MECOM: variants seen among roughly 807,000 people sequenced by gnomAD.
MECOM encodes the protein histone-lysine N-methyltransferase MECOM.
MECOM carries 13 observed loss-of-function variants against 116.3 expected under a neutral mutation model. The ratio of observed to expected loss-of-function variants is 0.11; its 90% CI spans 0.07 to 0.18. MECOM has a LOEUF of 0.18. Ranked by LOEUF, MECOM falls within the 10% of genes least tolerant of loss-of-function variation. The probability of loss-of-function intolerance (pLI) is 1.00; values close to 1 mark genes in which losing one functional copy is unlikely to be tolerated. For missense variants in MECOM, 1,299 were observed against 1,509.0 expected (o/e 0.86, Z 2.31); for synonymous variants, 528 against 535.2 (o/e 0.99, Z 0.19).
chr3:169,207,152 TA>T (rs5854317), intron 2 of MECOM, among the ~76,000 whole-genome samples: 52,854 of 152,014 alleles, frequency 0.35, 10,004 homozygotes, highest in African/African-American at 0.5. Flanking sequence ...AAGGTGTTCC[TA>T]AAATAGCTGA....
intron 1 of MECOM, among the ~76,000 whole-genome samples, chr3:169,524,916 C>A (rs767033293): frequency 6.6e-6 from 1 of 151,874 alleles, no homozygotes; most frequent in African/African-American, 2.4e-5. Flanking sequence ...CCAAGCAATG[C>A]TATAGCCTGA....
chr3:169,101,032 GC>G, intron 11 of MECOM, 70 bp from the exon 12 acceptor site: 1 of 1,035,080 alleles, frequency 9.7e-7, no homozygotes, highest in Non-Finnish European at 1.5e-6. Context: ...CCACACAGCA[GC>G]CAGATGCTTA....
chr3:169,112,898 G>A, intron 8 of MECOM, 24 bp from the exon 9 acceptor site: 1 of 1,548,506 alleles, frequency 6.5e-7, no homozygotes, highest in South Asian at 1.1e-5. Flanking sequence ...ATTAGATTTT[G>A]GAGATGAAGC....
chr3:169,249,074 A>G (rs773761926), intron 2 of MECOM, among the ~76,000 whole-genome samples: 2 of 152,114 alleles, frequency 1.3e-5, no homozygotes, highest in African/African-American at 4.8e-5. Context: ...TATTGTATTT[A>G]TTTACATGTC....
chr3:169,433,926 G>A (rs1742196435), intron 1 of MECOM, among the ~76,000 whole-genome samples: 1 of 152,096 alleles, frequency 6.6e-6, no homozygotes, highest in Non-Finnish European at 1.5e-5. Flanking sequence ...CAAGTTTAAC[G>A]TTGGAGAGCT....
At chr3:169,549,809 C>T (rs759298741) in intron 1 of MECOM, among the ~76,000 whole-genome samples, 1 of 152,262 alleles carries the variant, frequency 6.6e-6, no homozygotes, top group Non-Finnish European at 1.5e-5. Context: ...CCTTGACCCT[C>T]ATAGGCTTAT....
At chr3:169,444,537 C>A (rs1026346323) in intron 1 of MECOM, among the ~76,000 whole-genome samples, 3 of 152,218 alleles carry the variant, frequency 2.0e-5, no homozygotes, top group Admixed American at 6.5e-5. Context: ...GTGCCTTTCA[C>A]CCCCCGCCAT....
At chr3:169,617,057 T>C (rs546936253) in intron 1 of MECOM, among the ~76,000 whole-genome samples, 54 of 152,316 alleles carry the variant, frequency 3.5e-4, no homozygotes, top group Admixed American at 6.5e-4. Flanking sequence ...TTCATTGTAT[T>C]TTCTTCGCCC....
At chr3:169,110,287 G>C (rs1726918582) in intron 9 of MECOM, among the ~76,000 whole-genome samples, 1 of 151,952 alleles carries the variant, frequency 6.6e-6, no homozygotes, top group South Asian at 2.1e-4. Context: ...CAAAGAAATT[G>C]GGCATAAATA....
rs75784804 is a variant in MECOM, at chr3:169,306,879, G to T, written c.375+74308C>A. Among the ~76,000 whole-genome samples the T allele has an allele frequency of 4.7e-4, 71 of 152,222 alleles. 1 individual carries two copies. The East Asian group carries it at 0.013, about 29-fold the overall frequency. The stretch of plus-strand genomic sequence containing the variant: ...TTCTTCTCCTCCTTACCCCACAGGG[G>T]GTCCCTTCCACTATCACAGCTTTAA... On this transcript the variant is annotated intron_variant, in intron 2 of 16. Coordinates refer to ENST00000651503, the MANE Select transcript of MECOM (RefSeq NM_004991.4).
intron 1 of MECOM, among the ~76,000 whole-genome samples, chr3:169,514,015 A>G (rs926215170): frequency 1.3e-5 from 2 of 152,198 alleles, no homozygotes; most frequent in African/African-American, 4.8e-5. Flanking sequence ...CAGACCTAAT[A>G]TTTCACAATT....
intron 1 of MECOM, among the ~76,000 whole-genome samples, chr3:169,648,268 C>T (rs1042489428): frequency 2.0e-5 from 3 of 152,126 alleles, no homozygotes; most frequent in Non-Finnish European, 4.4e-5. Context: ...GAAGATAAAA[C>T]CTTGGTGACT....
intron 1 of MECOM, among the ~76,000 whole-genome samples, chr3:169,609,336 A>G (rs867526357): frequency 6.6e-6 from 1 of 152,210 alleles, no homozygotes; most frequent in Admixed American, 6.5e-5. Context: ...TTTCATGAGG[A>G]CCATATGTTA....
At chr3:169,445,668 A>G (rs911537038) in intron 1 of MECOM, among the ~76,000 whole-genome samples, 5 of 152,174 alleles carry the variant, frequency 3.3e-5, no homozygotes, top group Non-Finnish European at 5.9e-5. Flanking sequence ...ACCATCCTCC[A>G]GACCCCAGAA....
intron 1 of MECOM, among the ~76,000 whole-genome samples, chr3:169,555,850 C>T (rs1448545573): frequency 2.6e-5 from 4 of 152,212 alleles, no homozygotes; most frequent in Non-Finnish European, 4.4e-5. Flanking sequence ...CAGCCTGTGT[C>T]TTCACCCTGG....
chr3:169,330,084 G>A (rs1420823014), intron 2 of MECOM, among the ~76,000 whole-genome samples: 1 of 152,114 alleles, frequency 6.6e-6, no homozygotes, highest in Non-Finnish European at 1.5e-5. Flanking sequence ...GGAGTACAGT[G>A]GTATGAACGC....
chr3:169,127,246 T>G (rs1428731143), intron 5 of MECOM, among the ~76,000 whole-genome samples: 1 of 152,122 alleles, frequency 6.6e-6, no homozygotes, highest in Non-Finnish European at 1.5e-5. Flanking sequence ...GTCACTGAAA[T>G]ATAATTTTTA....
At chr3:169,108,039 TACTA>T (rs1486929036) in intron 9 of MECOM, 87 bp from the exon 10 acceptor site, 3 of 1,131,978 alleles carry the variant, frequency 2.7e-6, no homozygotes, top group African/African-American at 3.1e-5. Flanking sequence ...TTAACATTTG[TACTA>T]ACTTAGTAAT....
At chr3:169,584,343 A>C (rs940493193) in intron 1 of MECOM, among the ~76,000 whole-genome samples, 14 of 151,840 alleles carry the variant, frequency 9.2e-5, no homozygotes, top group Non-Finnish European at 1.8e-4. Context: ...GGGCGGGCGG[A>C]TCACGAGGTC....
Sources: gnomAD v4.1 joint callset for allele counts (sites outside exome capture counted in the v4.1 genomes callset) on GRCh38, gnomAD v4.1.1 for gene constraint, MANE v1.5 for transcripts, NCBI Gene and HGNC (gene_info 2026-07-23, HGNC 2026-07-21) for gene names.